Variants in ANKS1B observed in about 807,000 individuals in gnomAD.
ANKS1B encodes the protein ankyrin repeat and sterile alpha motif domain-containing protein 1B.
A neutral mutation model predicts 148.3 loss-of-function variants in ANKS1B; 36 were observed. The observed-to-expected ratio is 0.24, with a 90% CI of 0.19 to 0.32. The LOEUF is 0.32. Ranked by LOEUF, ANKS1B falls within the 10% of genes least tolerant of loss-of-function variation. ANKS1B has a pLI of 1.00. For missense variants in ANKS1B, 1,157 were observed against 1,542.6 expected (o/e 0.75, Z 4.19); for synonymous variants, 542 against 560.8 (o/e 0.97, Z 0.47).
At chr12:99,505,873 C>T (rs2056612327) in intron 9 of ANKS1B, among the ~76,000 whole-genome samples, 1 of 152,028 alleles carries the variant, frequency 6.6e-6, no homozygotes, top group Non-Finnish European at 1.5e-5. Flanking sequence ...ACTTAACCTA[C>T]CAAACAGCAT....
intron 16 of ANKS1B, among the ~76,000 whole-genome samples, chr12:99,068,360 C>T (rs536323992): frequency 2.1e-4 from 32 of 152,226 alleles, no homozygotes; most frequent in African/African-American, 7.0e-4. Flanking sequence ...TGCTCCTAGT[C>T]TATAAACTTG....
intron 12 of ANKS1B, among the ~76,000 whole-genome samples, chr12:99,373,898 C>G (rs1224009116): frequency 1.3e-5 from 2 of 152,090 alleles, no homozygotes; most frequent in Non-Finnish European, 2.9e-5. Context: ...GAACTTTGGT[C>G]CACTTCAAGG....
chr12:98,880,139 G>T (rs1043917432), intron 17 of ANKS1B, among the ~76,000 whole-genome samples: 2 of 152,178 alleles, frequency 1.3e-5, no homozygotes, highest in African/African-American at 4.8e-5. Context: ...AATCCTGAAA[G>T]TTTTATCTCC....
At chr12:99,885,703 A>T (rs921714474) in intron 1 of ANKS1B, among the ~76,000 whole-genome samples, 3 of 152,008 alleles carry the variant, frequency 2.0e-5, no homozygotes, top group African/African-American at 7.2e-5. Context: ...CTGCCACCCG[A>T]GCAGTGTCCA....
intron 12 of ANKS1B, among the ~76,000 whole-genome samples, chr12:99,297,477 C>T (rs1368634298): frequency 6.6e-6 from 1 of 152,112 alleles, no homozygotes; most frequent in Non-Finnish European, 1.5e-5. Flanking sequence ...TTGAACCCAC[C>T]AAACTTGTGT....
chr12:99,839,258 G>GT (rs909668510), intron 1 of ANKS1B, among the ~76,000 whole-genome samples: 2 of 152,072 alleles, frequency 1.3e-5, no homozygotes, highest in African/African-American at 4.8e-5. Context: ...TTAAAAAAAA[G>GT]TTTTGGCTGT....
At chr12:99,665,631 C>T (rs978980839) in intron 8 of ANKS1B, among the ~76,000 whole-genome samples, 8 of 152,138 alleles carry the variant, frequency 5.3e-5, no homozygotes, top group Admixed American at 1.3e-4. Flanking sequence ...GGACTACAGG[C>T]GCCCACCACC....
At chr12:99,289,006 A>AAACATTTC (rs2079534584) in intron 12 of ANKS1B, among the ~76,000 whole-genome samples, 3 of 152,020 alleles carry the variant, frequency 2.0e-5, no homozygotes, top group Admixed American at 2.0e-4. Context: ...GCTACAAGAA[A>AAACATTTC]AACATTTCAC....
At chr12:99,525,121 A>G (rs944452957) in intron 9 of ANKS1B, among the ~76,000 whole-genome samples, 1 of 152,024 alleles carries the variant, frequency 6.6e-6, no homozygotes, top group African/African-American at 2.4e-5. Flanking sequence ...TTTTTATGCC[A>G]CTAAATGTGT....
intron 17 of ANKS1B, among the ~76,000 whole-genome samples, chr12:98,882,301 T>C (rs1363163927): frequency 1.3e-5 from 2 of 152,116 alleles, no homozygotes; most frequent in Non-Finnish European, 2.9e-5. Context: ...AAACAATAAG[T>C]GATACAAAGA....
At chr12:99,632,767 A>ATATATATATATATATATTTTTT (rs1441486862) in intron 9 of ANKS1B, among the ~76,000 whole-genome samples, 2 of 71,336 alleles carry the variant, frequency 2.8e-5, no homozygotes, top group Non-Finnish European at 5.8e-5. Context: ...ATATATATAT[A>ATATATATATATATATATTTTTT]TTTTAATTAT....
At chr12:99,676,123 C>T (rs1002510328) in intron 8 of ANKS1B, among the ~76,000 whole-genome samples, 2 of 152,028 alleles carry the variant, frequency 1.3e-5, no homozygotes, top group African/African-American at 4.8e-5. Context: ...CTTTGCTTGG[C>T]ACTTCTCCTT....
In ANKS1B at chr12:99,414,316, C is replaced by T. The variant is rs537956220; in HGVS notation, c.1576-14505G>A. Among the ~76,000 whole-genome samples the T allele has an allele frequency of 3.9e-5, 6 of 151,938 alleles. No individual in the cohort carries two copies. In the East Asian group the frequency reaches 9.7e-4, roughly 25 times the overall value. ...TTAAGTGAGCCTGACATTTTGCTGG[C>T]CCCAGTAAAATTGAACTCTTTCCCT... On this transcript the variant is annotated intron_variant, in intron 11 of 26. Coordinates refer to ENST00000683438, the MANE Select transcript of ANKS1B (RefSeq NM_001352186.2).
rs534616240 is a variant in ANKS1B at position 99,159,251 on chromosome 12, G to A, written c.2420-4856C>T. Among the ~76,000 whole-genome samples, 18 of 152,232 alleles carry A rather than the reference G, an allele frequency of 1.2e-4. No individual in the cohort carries two copies. The South Asian group carries it at 3.7e-3, about 32-fold the overall frequency. ...TTTTCAATTTTTGTTTTGGATTTAG[G>A]GAGTATATGTTCAGGTTTGCCACGT... On this transcript the variant is annotated intron_variant, in intron 14 of 26. Transcript: ENST00000683438.
At chr12:99,004,529 T>TCAACCCAAGG (rs909322285) in intron 17 of ANKS1B, among the ~76,000 whole-genome samples, 1 of 152,120 alleles carries the variant, frequency 6.6e-6, no homozygotes, top group Non-Finnish European at 1.5e-5. Context: ...GGGTATGGCT[T>TCAACCCAAGG]CAACCCAAGG....
At chr12:99,462,692 T>C (rs1047312873) in intron 10 of ANKS1B, among the ~76,000 whole-genome samples, 1 of 152,216 alleles carries the variant, frequency 6.6e-6, no homozygotes, top group African/African-American at 2.4e-5. Flanking sequence ...TTTGTATACT[T>C]GTCTCCTCCA....
At chr12:99,609,548 A>G (rs956096224) in intron 9 of ANKS1B, among the ~76,000 whole-genome samples, 9 of 129,316 alleles carry the variant, frequency 7.0e-5, no homozygotes, top group Admixed American at 2.2e-4. Flanking sequence ...TTTTTATAAG[A>G]AAAAAAAAAA....
At chr12:99,423,065 T>C (rs535933305) in intron 11 of ANKS1B, among the ~76,000 whole-genome samples, 1 of 152,296 alleles carries the variant, frequency 6.6e-6, no homozygotes, top group East Asian at 1.9e-4. Context: ...TTAAATTATC[T>C]GAGTAGACTA....
chr12:99,641,387 T>C (rs992334136), intron 9 of ANKS1B, among the ~76,000 whole-genome samples: 1 of 152,124 alleles, frequency 6.6e-6, no homozygotes, highest in Non-Finnish European at 1.5e-5. Flanking sequence ...AATTATAAAG[T>C]TTCTCAGAGC....
Sources: allele counts gnomAD v4.1 joint callset (sites outside exome capture counted in the v4.1 genomes callset), GRCh38; gene constraint gnomAD v4.1.1; transcripts MANE v1.5; gene names NCBI Gene and HGNC (gene_info 2026-07-23, HGNC 2026-07-21).